Variants in DLGAP1 observed in about 807,000 individuals in gnomAD.
DLGAP1 encodes the protein DLG associated protein 1.
DLGAP1 carries 11 observed loss-of-function variants against 90.8 expected under a neutral mutation model. The ratio of observed to expected loss-of-function variants is 0.12; its 90% confidence interval spans 0.08 to 0.20. The LOEUF is 0.20. DLGAP1 is among the 10% of genes least tolerant of loss of function. The probability of loss-of-function intolerance (pLI) is 1.00; values close to 1 mark genes in which losing one functional copy is unlikely to be tolerated. For synonymous variants in DLGAP1, 558 were observed against 540.7 expected (o/e 1.03, Z -0.44); for missense variants, 1,050 against 1,333.8 (o/e 0.79, Z 3.31).
chr18:3,637,389 C>A (rs909806489), intron 7 of DLGAP1, among the ~76,000 whole-genome samples: 1 of 152,074 alleles, frequency 6.6e-6, no homozygotes, highest in East Asian at 1.9e-4. Context: ...AAAGGAGACA[C>A]ACTTCGCTCC....
chr18:4,301,852 A>G (rs1434004569), intron 1 of DLGAP1, among the ~76,000 whole-genome samples: 3 of 152,118 alleles, frequency 2.0e-5, no homozygotes, highest in African/African-American at 4.8e-5. Flanking sequence ...GTGAGGTAAC[A>G]ATCATTGTGG....
In DLGAP1 at chr18:3,688,645, AC is replaced by A. The variant is rs1567965508; in HGVS notation, c.1591+40489del. Among the ~76,000 whole-genome samples, 1,030 of 150,426 alleles carry A rather than the reference AC, an allele frequency of 6.8e-3. 22 individuals are homozygous for A. The highest frequency in any genetic ancestry group is 0.024 in the African/African-American group (984 of 40,372). On this transcript the variant is annotated intron_variant, in intron 7 of 12. Coordinates refer to ENST00000315677, the MANE Select transcript of DLGAP1 (RefSeq NM_004746.4). ...CACACACACACACACACACACACAC[AC>A]ACACACACACACACACACACACCCT...
At chr18:4,034,195 C>T (rs914702650) in intron 2 of DLGAP1, among the ~76,000 whole-genome samples, 1 of 151,956 alleles carries the variant, frequency 6.6e-6, no homozygotes, top group Admixed American at 6.6e-5. Flanking sequence ...GCGCCCACCA[C>T]CACGCCTGGC....
chr18:4,312,677 T>C (rs952805417), intron 1 of DLGAP1, among the ~76,000 whole-genome samples: 2 of 152,212 alleles, frequency 1.3e-5, no homozygotes, highest in African/African-American at 4.8e-5. Flanking sequence ...AACATAATTG[T>C]AGCATTTTAT....
intron 3 of DLGAP1, among the ~76,000 whole-genome samples, chr18:3,930,032 C>G (rs1338872682): frequency 1.3e-5 from 2 of 152,202 alleles, no homozygotes; most frequent in East Asian, 1.9e-4. Context: ...AAGTAAGTGT[C>G]TGCTGGGCTA....
intron 3 of DLGAP1, among the ~76,000 whole-genome samples, chr18:3,938,007 T>G (rs1389092111): frequency 6.6e-6 from 1 of 152,200 alleles, no homozygotes; most frequent in Non-Finnish European, 1.5e-5. Context: ...TATTAGTTAT[T>G]ATGAAATGTG....
intron 3 of DLGAP1, among the ~76,000 whole-genome samples, chr18:3,996,641 CAA>C (rs1225876644): frequency 6.6e-6 from 1 of 151,406 alleles, no homozygotes; most frequent in Non-Finnish European, 1.5e-5. Context: ...ATATGTCAAA[CAA>C]AATATATTAT....
intron 7 of DLGAP1, among the ~76,000 whole-genome samples, chr18:3,629,307 G>A (rs2058430591): frequency 6.6e-6 from 1 of 152,084 alleles, no homozygotes; most frequent in South Asian, 2.1e-4. Context: ...AGGCTGCAAT[G>A]AGCCATGATT....
chr18:4,447,199 G>A (rs573074056), intron 1 of DLGAP1, among the ~76,000 whole-genome samples: 1 of 152,288 alleles, frequency 6.6e-6, no homozygotes, highest in African/African-American at 2.4e-5. Context: ...AGCACAAGGT[G>A]ATGTACACGT....
chr18:4,316,634 C>G (rs1045193853), intron 1 of DLGAP1, among the ~76,000 whole-genome samples: 6 of 152,180 alleles, frequency 3.9e-5, no homozygotes, highest in African/African-American at 1.4e-4. Context: ...GGCCTCTGTA[C>G]AGTTTCCTGC....
At chr18:3,557,057 T>G (rs112719041) in intron 9 of DLGAP1, among the ~76,000 whole-genome samples, 9 of 152,328 alleles carry the variant, frequency 5.9e-5, no homozygotes, top group African/African-American at 2.2e-4. Flanking sequence ...ATAATTTTAT[T>G]TATTTCTTTT....
Position 3,742,477 on chromosome 18 carries a change from C to T in DLGAP1, c.1208G>A (p.Arg403Gln). 4 of 1,614,122 alleles carry T rather than the reference C, an allele frequency of 2.5e-6. No homozygotes were observed. Among genetic ancestry groups the T allele is most frequent in the African/African-American group, 1.3e-5 (1 of 75,016 alleles). ...CACTGCCCTCAGGTAACTATGACTC[C>T]GGATCTGGAGTTTGGGTGAGTGTTC... ...SNEHSPKLQI[R>Q]SHSYLRAVSE... The change falls in exon 6 of 13, where the codon CGG becomes CAG. Residue 403 changes from arginine (R) to glutamine (Q), a missense_variant. Physicochemically the swap from Arg to Gln is conservative, Grantham distance 43. This residue lies in a region of DLGAP1 where 565 missense variants were observed against 879.7 expected (regional missense o/e 0.64). Transcript: ENST00000315677.
chr18:3,614,308 A>G (rs1490912160), intron 7 of DLGAP1, among the ~76,000 whole-genome samples: 1 of 152,216 alleles, frequency 6.6e-6, no homozygotes, highest in Non-Finnish European at 1.5e-5. Context: ...CTTGGCCAAT[A>G]TTGAACTGGG....
chr18:4,324,516 A>G (rs2080771758), intron 1 of DLGAP1, among the ~76,000 whole-genome samples: 1 of 152,066 alleles, frequency 6.6e-6, no homozygotes, highest in African/African-American at 2.4e-5. Flanking sequence ...AACTCATCCT[A>G]TCAGGCCAAT....
At chr18:3,754,074 CACTGCAGCCT>C (rs2063612505) in intron 5 of DLGAP1, among the ~76,000 whole-genome samples, 1 of 152,190 alleles carries the variant, frequency 6.6e-6, no homozygotes, top group Non-Finnish European at 1.5e-5. Flanking sequence ...GATCATGGCT[CACTGCAGCCT>C]TAACTTCTCA....
At chr18:4,409,221 A>G (rs1268472649) in intron 1 of DLGAP1, among the ~76,000 whole-genome samples, 1 of 152,152 alleles carries the variant, frequency 6.6e-6, no homozygotes, top group Non-Finnish European at 1.5e-5. Context: ...TCTAAGTTAT[A>G]AAGAGAAAAA....
intron 10 of DLGAP1, among the ~76,000 whole-genome samples, chr18:3,515,817 C>T (rs1181670557): frequency 2.0e-5 from 3 of 150,028 alleles, no homozygotes; most frequent in East Asian, 2.0e-4. Flanking sequence ...AAAATCCTCT[C>T]GAAGCTTACC....
chr18:3,629,178 T>C (rs1232991703), intron 7 of DLGAP1, among the ~76,000 whole-genome samples: 1 of 152,066 alleles, frequency 6.6e-6, no homozygotes, highest in Admixed American at 6.6e-5. Context: ...ACACCTACAA[T>C]CCCAGCACTT....
At chr18:4,381,965 G>A (rs1353501521) in intron 1 of DLGAP1, among the ~76,000 whole-genome samples, 1 of 152,124 alleles carries the variant, frequency 6.6e-6, no homozygotes, top group African/African-American at 2.4e-5. Flanking sequence ...TGATAGCCAA[G>A]TGAAAGGAGA....
Sources: gnomAD v4.1 joint callset for allele counts (sites outside exome capture counted in the v4.1 genomes callset) on GRCh38, gnomAD v4.1.1 for gene constraint, gnomAD v4.1.1 regional missense constraint, MANE v1.5 for transcripts, NCBI Gene and HGNC (gene_info 2026-07-23, HGNC 2026-07-21) for gene names.